Variants in HECTD4 observed in about 807,000 individuals in gnomAD.
HECTD4 encodes HECT domain E3 ubiquitin protein ligase 4, also known as probable E3 ubiquitin-protein ligase HECTD4.
HECTD4 carries 114 observed loss-of-function variants against 471.5 expected under a neutral mutation model. That is an observed-to-expected ratio of 0.24 (90% CI 0.21 to 0.28). The LOEUF is 0.28. HECTD4 is among the 10% of genes least tolerant of loss of function. HECTD4 has a pLI of 1.00. For synonymous variants in HECTD4, 2,012 were observed against 2,256.0 expected (o/e 0.89, Z 3.07); for missense variants, 3,866 against 5,651.5 (o/e 0.68, Z 10.13).
chr12:112,190,681 G>T, intron 60 of HECTD4, 105 bp downstream of exon 60: 1 of 991,828 alleles, frequency 1.0e-6, no homozygotes, highest in Non-Finnish European at 1.5e-6. Context: ...AGCTGCCTGG[G>T]CTACCTGTGG....
chr12:112,187,005 G>A (rs2031890350), intron 60 of HECTD4, among the ~76,000 whole-genome samples: 1 of 149,896 alleles, frequency 6.7e-6, no homozygotes, highest in South Asian at 2.1e-4. Flanking sequence ...TTGAGATGGA[G>A]TTTCGCTCTT....
At chr12:112,372,554 G>A (rs901571285) in intron 1 of HECTD4, among the ~76,000 whole-genome samples, 1 of 151,966 alleles carries the variant, frequency 6.6e-6, no homozygotes, top group Admixed American at 6.6e-5. Context: ...AAAGTGCTGG[G>A]ATTACAGGCA....
At chr12:112,270,176 T>G in intron 12 of HECTD4, 51 bp downstream of exon 12, 1 of 1,515,492 alleles carries the variant, frequency 6.6e-7, no homozygotes, top group Non-Finnish European at 9.1e-7. Flanking sequence ...AAGCCAAGGT[T>G]TGCGTTTCCT....
chr12:112,184,910 C>T lies in HECTD4; in HGVS notation c.10056G>A (p.Leu3352=), dbSNP rs1048534518. ...GCAGGGTGAGTGCGCGGTGGAACCA[C>T]AGCATGTCCTCGGGCTTGCTGCCTC... ...SIGGSKPEDM[L]WFHRALTLLI... is the part of the protein sequence containing the mutation. Residue 3352 remains leucine (L), a synonymous_variant, in exon 61 of 76, where the codon CTG becomes CTA. Transcript: ENST00000682272. This position sits in a 1 kb window ranked among gnomAD's most constrained non-coding sequence, Gnocchi z 9.1. 1.2e-6 allele frequency: 2 copies of T among 1,613,546 alleles called. No individual in the cohort carries two copies. The highest frequency in any genetic ancestry group is 2.7e-5 in the African/African-American group (2 of 75,060).
rs755482629 is a variant in HECTD4 at position 112,163,296 on chromosome 12, C to T, written c.12898-32G>A. ...AGGAGAGGTCCAGGTGTCAGGAGCCCTGGAGCCCCACCTACCCAGTGCCTC... is the reference window on the plus strand; with the variant it reads ...AGGAGAGGTCCAGGTGTCAGGAGCCTTGGAGCCCCACCTACCCAGTGCCTC... On this transcript the variant is annotated intron_variant, in intron 74 of 75. Coordinates refer to ENST00000682272, the MANE Select transcript of HECTD4 (RefSeq NM_001388303.1). This position sits in a 1 kb window ranked among gnomAD's most constrained non-coding sequence, Gnocchi z 8.2. 1 of 1,577,214 alleles carries T rather than the reference C, an allele frequency of 6.3e-7. No individual in the cohort carries two copies. Among genetic ancestry groups the T allele is most frequent in the South Asian group, 1.2e-5 (1 of 86,122 alleles).
chr12:112,200,579 G>A (rs2032391730), intron 55 of HECTD4, 59 bp downstream of exon 55: 1 of 1,545,606 alleles, frequency 6.5e-7, no homozygotes, highest in Non-Finnish European at 8.9e-7. Context: ...CATGGTACAT[G>A]TGGTAGAGCG....
At chr12:112,174,668 G>A (rs1009658438) in intron 66 of HECTD4, among the ~76,000 whole-genome samples, 2 of 152,064 alleles carry the variant, frequency 1.3e-5, no homozygotes, top group African/African-American at 2.4e-5. Context: ...GGGTTCAAGC[G>A]ATTGTCCTGC....
At chr12:112,180,442 T>G (rs541335446) in intron 62 of HECTD4, among the ~76,000 whole-genome samples, 73 of 151,382 alleles carry the variant, frequency 4.8e-4, no homozygotes, top group African/African-American at 1.7e-3. Flanking sequence ...GGCTAAGGCA[T>G]GAGAATCACT....
At chr12:112,374,743 A>G (rs943389819) in intron 1 of HECTD4, among the ~76,000 whole-genome samples, 1 of 152,250 alleles carries the variant, frequency 6.6e-6, no homozygotes, top group Non-Finnish European at 1.5e-5. Context: ...AGAATAGACC[A>G]ACATAAATCT....
chr12:112,304,710 G>A (rs1268490642), intron 7 of HECTD4, among the ~76,000 whole-genome samples: 1 of 151,026 alleles, frequency 6.6e-6, no homozygotes, highest in African/African-American at 2.4e-5. Flanking sequence ...TGACAATTAT[G>A]AACACATGTT....
rs942948356 is a variant in HECTD4, at chr12:112,194,776, T to C, written c.8749+109A>G. The C allele has an allele frequency of 2.0e-6, 2 of 1,022,480 alleles. No individual in the cohort carries two copies. The highest frequency in any genetic ancestry group is 3.2e-5 in the African/African-American group (2 of 62,584). 63.3% of individuals were successfully genotyped at this position (1,022,480 alleles called of 1,614,324 possible). ...CTGCGTGCAATTTCTCACGTGAGCC[T>C]ATGCGCACCATGAGGCATTTCTCGC... is the stretch of plus-strand genomic sequence containing the variant. On this transcript the variant is annotated intron_variant, in intron 56 of 75. Coordinates refer to ENST00000682272, the MANE Select transcript of HECTD4 (RefSeq NM_001388303.1). This position sits in a 1 kb window ranked among gnomAD's most constrained non-coding sequence, Gnocchi z 4.6.
chr12:112,334,613 T>C (rs1173417916), intron 1 of HECTD4, among the ~76,000 whole-genome samples: 2 of 119,276 alleles, frequency 1.7e-5, no homozygotes, highest in Non-Finnish European at 3.3e-5. Context: ...GTCAACACAG[T>C]AACCCCTGTC....
intron 1 of HECTD4, among the ~76,000 whole-genome samples, chr12:112,373,657 G>C (rs1471238309): frequency 6.6e-6 from 1 of 152,192 alleles, no homozygotes; most frequent in Non-Finnish European, 1.5e-5. Context: ...TGCTGGCGCT[G>C]TTGTCGTGGG....
intron 18 of HECTD4, 36 bp downstream of exon 18, chr12:112,261,269 A>C (rs1020023543): frequency 8.6e-6 from 13 of 1,510,050 alleles, no homozygotes; most frequent in African/African-American, 1.4e-5. Context: ...TTCTTCCCAC[A>C]GGGCAGCTGG....
chr12:112,223,818 T>C (rs545007964), intron 44 of HECTD4, among the ~76,000 whole-genome samples: 136 of 152,310 alleles, frequency 8.9e-4, no homozygotes, highest in Non-Finnish European at 1.4e-3. Context: ...CGCTATAAAA[T>C]TTGGCTATCA....
chr12:112,358,834 T>C (rs1326712325), intron 1 of HECTD4, among the ~76,000 whole-genome samples: 1 of 152,086 alleles, frequency 6.6e-6, no homozygotes, highest in Non-Finnish European at 1.5e-5. Flanking sequence ...GTCAACATAG[T>C]AAGAAAGACG....
intron 1 of HECTD4, among the ~76,000 whole-genome samples, chr12:112,344,590 A>C (rs2036112456): frequency 6.6e-6 from 1 of 152,178 alleles, no homozygotes; most frequent in Non-Finnish European, 1.5e-5. Context: ...GACTGTCTTG[A>C]GTTTTTCCTA....
chr12:112,240,501 G>A (rs2033615252), intron 32 of HECTD4, among the ~76,000 whole-genome samples: 1 of 151,096 alleles, frequency 6.6e-6, no homozygotes, highest in African/African-American at 2.4e-5. Flanking sequence ...CCAGGCTGGA[G>A]TGCAGTGGTA....
rs1018227288 is a variant in HECTD4, at chr12:112,200,728, A to G, written c.8477T>C (p.Ile2826Thr). 2 of 1,613,966 alleles carry G rather than the reference A, an allele frequency of 1.2e-6. No homozygotes were observed. Among genetic ancestry groups the G allele is most frequent in the Non-Finnish European group, 1.7e-6 (2 of 1,179,862 alleles). Residue 2826 changes from isoleucine (I) to threonine (T), a missense_variant, in exon 55 of 76, where the codon ATT becomes ACT. This residue lies in a region of HECTD4 where 266 missense variants were observed against 441.6 expected (regional missense o/e 0.60). Coordinates refer to ENST00000682272, the MANE Select transcript of HECTD4 (RefSeq NM_001388303.1). ...TGCTGGGGGCCTTTCCAACATGTCA[A>G]TAGGATACCAGTATCGCACCAGCAC... is the stretch of plus-strand genomic sequence containing the variant. Reference protein sequence around the residue: ...EGVLVRYWYPIDMLERPPAGY... With the variant: ...EGVLVRYWYPTDMLERPPAGY...
Sources: allele counts gnomAD v4.1 joint callset (sites outside exome capture counted in the v4.1 genomes callset), GRCh38; gene constraint gnomAD v4.1.1; regional missense constraint gnomAD v4.1.1; non-coding constraint Gnocchi (gnomAD v3.1); transcripts MANE v1.5; gene names NCBI Gene and HGNC (gene_info 2026-07-23, HGNC 2026-07-21).